NUP54: variants seen among roughly 807,000 people sequenced by gnomAD.
NUP54 encodes nucleoporin 54, also known as nucleoporin p54.
NUP54 carries 27 observed loss-of-function variants against 66.4 expected under a neutral mutation model. The observed-to-expected ratio is 0.41, with a 90% CI of 0.30 to 0.56. The LOEUF (loss-of-function observed/expected upper bound fraction) is 0.56, where lower values mean the gene tolerates loss of function less well. NUP54 is among the 20% of genes least tolerant of loss of function. NUP54 has a pLI of 0.34. For synonymous variants in NUP54, 206 were observed against 210.7 expected (o/e 0.98, Z 0.19); for missense variants, 486 against 596.3 (o/e 0.82, Z 1.93).
chr4:76,122,952 T>G (rs763856986), intron 9 of NUP54, among the ~76,000 whole-genome samples: 5 of 152,162 alleles, frequency 3.3e-5, no homozygotes, highest in Non-Finnish European at 5.9e-5. Context: ...TAAAAGCCAG[T>G]CACAAAAGAC....
chr4:76,141,119 C>G (rs554674907), intron 3 of NUP54, among the ~76,000 whole-genome samples: 1 of 151,878 alleles, frequency 6.6e-6, no homozygotes, highest in Non-Finnish European at 1.5e-5. Flanking sequence ...ATAGGAATAG[C>G]TGTGATTAGT....
intron 4 of NUP54, 100 bp from the exon 5 acceptor site, chr4:76,134,462 C>T (rs1730946212): frequency 1.0e-6 from 1 of 962,188 alleles, no homozygotes; most frequent in Non-Finnish European, 1.5e-6. Context: ...GGAAAAACAA[C>T]TTAATGTCTG....
At position 76,136,176 on chromosome 4, in the gene NUP54, T is replaced by G. The variant is rs1178364229; in HGVS notation, c.522+10A>C. On this transcript the variant is annotated intron_variant, in intron 4 of 11. Coordinates refer to ENST00000264883, the MANE Select transcript of NUP54 (RefSeq NM_017426.4). ...TCTTCAACTGAAGATAAAAATAGTA[T>G]TAATAATACCTTAAATCGGCAAAAG... 27 of 1,581,604 alleles carry G rather than the reference T, an allele frequency of 1.7e-5. No homozygotes were observed. The highest frequency in any genetic ancestry group is 2.1e-5 in the Non-Finnish European group (24 of 1,151,640).
At chr4:76,147,488 C>A (rs1470727955) in intron 1 of NUP54, 1 of 1,289,360 alleles carries the variant, frequency 7.8e-7, no homozygotes, top group Non-Finnish European at 1.0e-6. Flanking sequence ...CCTGCACTTG[C>A]CAGACTGTTA....
intron 4 of NUP54, 52 bp from the exon 5 acceptor site, chr4:76,134,414 AGGTGTTTAAT>A (rs1480894783): frequency 7.0e-7 from 1 of 1,431,868 alleles, no homozygotes; most frequent in Non-Finnish European, 9.5e-7. Context: ...ATCTTAAATC[AGGTGTTTAAT>A]ATTAATAGCT....
At chr4:76,131,139 A>G in intron 7 of NUP54, 91 bp downstream of exon 7, 1 of 809,398 alleles carries the variant, frequency 1.2e-6, no homozygotes, top group Non-Finnish European at 2.1e-6. Context: ...AACTTGTCTC[A>G]TATGTAAGAA....
chr4:76,145,056 T>C (rs926866638), intron 1 of NUP54, among the ~76,000 whole-genome samples: 3 of 152,092 alleles, frequency 2.0e-5, no homozygotes, highest in East Asian at 1.9e-4. Context: ...CGGTGGCTCA[T>C]GCCTGTAATC....
chr4:76,145,563 A>G (rs187675951), intron 1 of NUP54: 1 of 1,276,160 alleles, frequency 7.8e-7, no homozygotes, highest in East Asian at 5.8e-5. Context: ...ACCTCCAAAC[A>G]ACAAGAATGT....
At position 76,148,350 on chromosome 4, in the gene NUP54, A is replaced by T; in HGVS notation, c.25T>A (p.Ser9Thr). The T allele has an allele frequency of 6.5e-7, 1 of 1,549,812 alleles. No individual in the cohort carries two copies. The highest frequency in any genetic ancestry group is 1.2e-5 in the South Asian group (1 of 81,944). The change falls in exon 1 of 12, where the codon TCG (serine) becomes ACG (threonine). Residue 9 changes from serine (S) to threonine (T), a missense_variant. Transcript: ENST00000264883. MAFNFGAP[S>T]GTSGTAAATA... The stretch of plus-strand genomic sequence containing the variant: ...GCTGCAGCGGTACCGGAGGTGCCCG[A>T]GGGAGCCCCAAAATTGAAGGCCATG...
chr4:76,134,119 C>T, intron 5 of NUP54, 56 bp downstream of exon 5: 2 of 1,293,966 alleles, frequency 1.5e-6, no homozygotes, highest in African/African-American at 1.5e-5. Flanking sequence ...ATTGATCACT[C>T]CCTTAGGACC....
intron 9 of NUP54, among the ~76,000 whole-genome samples, chr4:76,122,728 A>G (rs1019696337): frequency 6.6e-6 from 1 of 152,246 alleles, no homozygotes; most frequent in Non-Finnish European, 1.5e-5. Flanking sequence ...AAATAGAAGT[A>G]TATGTCCAAA....
intron 3 of NUP54, among the ~76,000 whole-genome samples, chr4:76,137,157 A>T (rs1343792626): frequency 6.6e-6 from 1 of 152,076 alleles, no homozygotes; most frequent in Non-Finnish European, 1.5e-5. Context: ...GCACCTGGTT[A>T]ATTTTTTAAA....
intron 6 of NUP54, among the ~76,000 whole-genome samples, chr4:76,131,763 C>G (rs1324941520): frequency 4.0e-5 from 6 of 151,896 alleles, no homozygotes; most frequent in Non-Finnish European, 8.8e-5. Context: ...AATATTGACT[C>G]AAAAATTTCA....
intron 5 of NUP54, among the ~76,000 whole-genome samples, chr4:76,133,040 T>C (rs1730878746): frequency 7.7e-6 from 1 of 130,666 alleles, no homozygotes. Flanking sequence ...TATACATAAA[T>C]ATATATGATA....
At position 76,136,324 on chromosome 4, in the gene NUP54, C is replaced by T. The variant is rs369924374; in HGVS notation, c.384G>A (p.Thr128=). 158 of 1,613,858 alleles carry T rather than the reference C, an allele frequency of 9.8e-5. No homozygotes were observed. The highest frequency in any genetic ancestry group is 4.9e-4 in the South Asian group (45 of 91,078). ...INTASALSAP[T]LLGDERDAIL... ...TAGCATCTCTCTCATCTCCCAACAG[C>T]GTTGGAGCAGAAAGAGCACTCGCAG... The change falls in exon 4 of 12, where the codon ACG becomes ACA. Residue 128 remains threonine (T), a synonymous_variant. Coordinates refer to ENST00000264883, the MANE Select transcript of NUP54 (RefSeq NM_017426.4).
Position 76,129,558 on chromosome 4 carries a change from T to C in NUP54, c.1056+1098A>G, listed in dbSNP as rs147947045. 2.4e-3 allele frequency among the ~76,000 whole-genome samples: 370 copies of C among 152,288 alleles called. 4 individuals carry two copies. Among genetic ancestry groups the C allele is most frequent in the Middle Eastern group, 6.8e-3 (2 of 294 alleles). On this transcript the variant is annotated intron_variant, in intron 8 of 11. Coordinates refer to ENST00000264883, the MANE Select transcript of NUP54 (RefSeq NM_017426.4). ...AATACACATTATTTTCATAGGCTCC[T>C]GGGTTATAAAACCTCAGCAAAGTTG...
intron 1 of NUP54, chr4:76,147,493 C>T (rs1187238240): frequency 7.8e-7 from 1 of 1,289,502 alleles, no homozygotes; most frequent in African/African-American, 1.5e-5. Flanking sequence ...ACTTGCCAGA[C>T]TGTTACCAAA....
rs530385490 is a variant in NUP54 at position 76,132,893 on chromosome 4, T to C, written c.711-174A>G. On this transcript the variant is annotated intron_variant, in intron 5 of 11. Transcript: ENST00000264883. ...TTTTTTTTGAGCAAGGTTTGCTCTGTTGCCCAGGCTGGAGTGCAGTGGTAT... is the reference window on the plus strand; with the variant it reads ...TTTTTTTTGAGCAAGGTTTGCTCTGCTGCCCAGGCTGGAGTGCAGTGGTAT... 2.9e-3 allele frequency among the ~76,000 whole-genome samples: 438 copies of C among 151,600 alleles called. 3 individuals are homozygous for C. The Middle Eastern group carries it at 0.048, about 16-fold the overall frequency.
chr4:76,132,331 T>C (rs1315629794), intron 6 of NUP54, 192 bp downstream of exon 6: 2 of 378,206 alleles, frequency 5.3e-6, no homozygotes, highest in African/African-American at 2.1e-5. Flanking sequence ...TATTTTAACA[T>C]ATACATATTA....
Sources: allele counts gnomAD v4.1 joint callset (sites outside exome capture counted in the v4.1 genomes callset), GRCh38; gene constraint gnomAD v4.1.1; transcripts MANE v1.5; gene names NCBI Gene and HGNC (gene_info 2026-07-23, HGNC 2026-07-21).